ROBO3: variants seen among roughly 807,000 people sequenced by gnomAD.
ROBO3 encodes the protein roundabout homolog 3.
A neutral mutation model predicts 160.5 loss-of-function variants in ROBO3; 97 were observed. The ratio of observed to expected loss-of-function variants is 0.60; its 90% confidence interval spans 0.51 to 0.72. ROBO3 has a LOEUF of 0.72. ROBO3 is among the 30% of genes least tolerant of loss of function. The probability of loss-of-function intolerance (pLI) is 0.00; values close to 1 mark genes in which losing one functional copy is unlikely to be tolerated. For synonymous variants in ROBO3, 780 were observed against 746.2 expected, an observed-to-expected ratio of 1.05 and a Z score of -0.74; for missense variants, 1,858 against 1,846.5, an observed-to-expected ratio of 1.01 and a Z score of -0.11.
chr11:124,874,410 A>G (rs1946322094), intron 12 of ROBO3, among the ~76,000 whole-genome samples, 174 bp downstream of exon 12: 1 of 152,126 alleles, frequency 6.6e-6, no homozygotes. Flanking sequence ...AGAAGAGACA[A>G]GGGAGGAGGA....
At position 124,876,423 on chromosome 11, in the gene ROBO3, G is replaced by T; in HGVS notation, c.2742G>T (p.Trp914Cys). 1 of 1,448,398 alleles carries T rather than the reference G, an allele frequency of 6.9e-7. No individual in the cohort carries two copies. Among genetic ancestry groups the T allele is most frequent in the Non-Finnish European group, 9.0e-7 (1 of 1,106,566 alleles). 89.7% of individuals were successfully genotyped at this position (1,448,398 alleles called of 1,614,324 possible). Residue 914 changes from tryptophan to cysteine, a missense_variant, in exon 17 of 28, where the codon TGG becomes TGT. Trp to Cys is a radical substitution (Grantham distance 215, BLOSUM62 -2). Coordinates refer to ENST00000397801, the MANE Select transcript of ROBO3 (RefSeq NM_022370.4). The surrounding 1 kb of genome is among the most constrained non-coding windows in gnomAD (Gnocchi z 5.3). Reference protein sequence around the residue: ...LLLGLCAALYWRRKQRKELSH... With the variant: ...LLLGLCAALYCRRKQRKELSH... ...TCGGGCTCTGCGCCGCCCTCTACTG[G>T]CGCCGGAAACAGCGCAAAGAGCTCA...
intron 23 of ROBO3, 63 bp from the exon 24 acceptor site, chr11:124,879,127 G>A (rs1946488020): frequency 6.6e-7 from 1 of 1,512,640 alleles, no homozygotes; most frequent in Non-Finnish European, 8.9e-7. Flanking sequence ...CACAGTGCCA[G>A]GCACATAGTA....
In ROBO3 at chr11:124,869,937, T is replaced by G. The variant is rs778092268; in HGVS notation, c.646-11T>G. Reference sequence around the variant, plus strand: ...CTGAAATGGACCAAAGTTACCATTATTGCTCTGCAGATCCGTGGAGGGAAG... The same window carrying G: ...CTGAAATGGACCAAAGTTACCATTAGTGCTCTGCAGATCCGTGGAGGGAAG... On this transcript the variant is annotated splice_polypyrimidine_tract_variant and intron_variant, in intron 3 of 27. Coordinates refer to ENST00000397801, the MANE Select transcript of ROBO3 (RefSeq NM_022370.4). The surrounding 1 kb of genome is among the most constrained non-coding windows in gnomAD (Gnocchi z 4.2). 56 of 1,588,544 alleles carry G rather than the reference T, an allele frequency of 3.5e-5. No homozygotes were observed. Among genetic ancestry groups the G allele is most frequent in the Non-Finnish European group, 4.7e-5 (55 of 1,167,530 alleles).
chr11:124,868,780 C>A, intron 1 of ROBO3, 22 bp from the exon 2 acceptor site: 1 of 1,592,368 alleles, frequency 6.3e-7, no homozygotes, highest in Non-Finnish European at 8.6e-7. Context: ...TCTGAACGCT[C>A]TGCGCCACCC....
In ROBO3 at chr11:124,869,454, C is replaced by T. The variant is rs951866958; in HGVS notation, c.492C>T (p.Leu164=). 2.7e-6 allele frequency: 4 copies of T among 1,490,002 alleles called. No individual in the cohort carries two copies. In the African/African-American group the frequency reaches 4.4e-5, roughly 16 times the overall value. 92.3% of individuals were successfully genotyped at this position (1,490,002 alleles called of 1,614,324 possible). Residue 164 remains leucine, a synonymous_variant, in exon 3 of 28, where the codon CTC becomes CTT. Coordinates refer to ENST00000397801, the MANE Select transcript of ROBO3 (RefSeq NM_022370.4). This position sits in a 1 kb window ranked among gnomAD's most constrained non-coding sequence, Gnocchi z 4.2. ...SRNASLEVAV[L]RDDFRQSPGN... is the part of the protein sequence containing the mutation. ...GCCCCCCACCGCCCCGCCCAGTCCTCCGTGATGATTTCCGGCAGTCTCCTG... is the reference window on the plus strand; with the variant it reads ...GCCCCCCACCGCCCCGCCCAGTCCTTCGTGATGATTTCCGGCAGTCTCCTG...
At chr11:124,870,372 G>A (rs749315447) in intron 5 of ROBO3, 69 bp downstream of exon 5, 22 of 1,546,826 alleles carry the variant, frequency 1.4e-5, no homozygotes, top group South Asian at 6.0e-5. Flanking sequence ...CTAGAAAACC[G>A]GAAGACAGGC....
intron 1 of ROBO3, among the ~76,000 whole-genome samples, chr11:124,867,022 T>C (rs1333534996): frequency 6.6e-6 from 1 of 152,200 alleles, no homozygotes; most frequent in African/African-American, 2.4e-5. Context: ...TAGTGAGGTA[T>C]GCAAGGAAGG....
In ROBO3 at chr11:124,869,877, A is replaced by G. The variant is rs552630211; in HGVS notation, c.646-71A>G. 8.2e-4 allele frequency: 1,250 copies of G among 1,516,144 alleles called. 2 individuals carry two copies. The highest frequency in any genetic ancestry group is 1.0e-3 in the Non-Finnish European group (1,169 of 1,114,920). The allele number at this position is 1,516,144 out of a possible 1,614,324, so 93.9% of individuals were successfully genotyped here. A position where few individuals can be genotyped will look rare whatever the true frequency, so the allele number is the denominator to read the frequency against. On this transcript the variant is annotated intron_variant, in intron 3 of 27. Transcript: ENST00000397801. The surrounding 1 kb of genome is among the most constrained non-coding windows in gnomAD (Gnocchi z 4.2). The stretch of plus-strand genomic sequence containing the variant: ...ATAAACTTTATACATATGTATATAC[A>G]CATATATTCACCATATATATATACG...
Position 124,874,193 on chromosome 11 carries a change from C to A in ROBO3, c.1908C>A (p.Gly636=), listed in dbSNP as rs1434716732. The change falls in exon 12 of 28, where the codon GGC becomes GGA. Residue 636 remains glycine (G), a synonymous_variant. Coordinates refer to ENST00000397801, the MANE Select transcript of ROBO3 (RefSeq NM_022370.4). ...LFLVRAVGAW[G]LSEPSPVSEP... ...TGGTTCGAGCAGTGGGAGCCTGGGG[C>A]CTCAGTGAGCCCAGCCCCGTCTCTG... is the stretch of plus-strand genomic sequence containing the variant. 6.2e-7 allele frequency: 1 copy of A among 1,613,930 alleles called. No homozygotes were observed. The highest frequency in any genetic ancestry group is 8.5e-7 in the Non-Finnish European group (1 of 1,179,868).
intron 23 of ROBO3, 51 bp from the exon 24 acceptor site, chr11:124,879,139 G>C: frequency 6.5e-7 from 1 of 1,531,534 alleles, no homozygotes; most frequent in Non-Finnish European, 8.8e-7. Context: ...CACATAGTAG[G>C]CATTCAGTTT....
intron 15 of ROBO3, 53 bp downstream of exon 15, chr11:124,875,738 G>A: frequency 1.9e-6 from 3 of 1,560,488 alleles, no homozygotes; most frequent in Non-Finnish European, 1.7e-6. Flanking sequence ...GAGGGAGAGG[G>A]AGGACCTAGT....
rs1039457878 is a variant in ROBO3, at chr11:124,876,385, G to C, written c.2704G>C (p.Gly902Arg). 4 of 1,447,728 alleles carry C rather than the reference G, an allele frequency of 2.8e-6. No homozygotes were observed. The highest frequency in any genetic ancestry group is 2.8e-5 in the East Asian group (1 of 35,296). 89.7% of individuals were successfully genotyped at this position (1,447,728 alleles called of 1,614,324 possible). A position where few individuals can be genotyped will look rare whatever the true frequency, so the allele number is the denominator to read the frequency against. Reference sequence around the variant, plus strand: ...CCTCGCGGGCAGCGGCGCAGCCTGCGGGGCGCTGCTTCTCGGGCTCTGCGC... The same window carrying C: ...CCTCGCGGGCAGCGGCGCAGCCTGCCGGGCGCTGCTTCTCGGGCTCTGCGC... ...AFLAGSGAAC[G>R]ALLLGLCAAL... is the part of the protein sequence containing the mutation. The change falls in exon 17 of 28, where the codon GGG becomes CGG. Residue 902 changes from glycine to arginine, a missense_variant. By Grantham distance (125) the Gly-to-Arg change is moderately radical. Transcript: ENST00000397801. The surrounding 1 kb of genome is among the most constrained non-coding windows in gnomAD (Gnocchi z 5.3).
rs777436634 is a variant in ROBO3, at chr11:124,870,046, G to A, written c.744G>A (p.Ala248=). 327 of 1,613,890 alleles carry A rather than the reference G, an allele frequency of 2.0e-4. No individual in the cohort carries two copies. Among genetic ancestry groups the A allele is most frequent in the Non-Finnish European group, 2.5e-4 (299 of 1,179,902 alleles). Residue 248 remains alanine (A), a synonymous_variant, in exon 4 of 28, where the codon GCG becomes GCA. Coordinates refer to ENST00000397801, the MANE Select transcript of ROBO3 (RefSeq NM_022370.4). ...ACATGGCGGGAGAACGGGAGAGTGC[G>A]GCAGCTGAAGTCATGGTACTGGGTA... ...ASNMAGERES[A]AAEVMVLERP... is the part of the protein sequence containing the mutation.
chr11:124,877,425 C>T, intron 19 of ROBO3, 94 bp from the exon 20 acceptor site: 3 of 1,592,604 alleles, frequency 1.9e-6, no homozygotes, highest in Non-Finnish European at 2.6e-6. Context: ...AACACCACCG[C>T]CACTGTCCTG....
At position 124,865,486 on chromosome 11, in the gene ROBO3, G is replaced by A; in HGVS notation, c.-92G>A. On this transcript the variant is annotated 5_prime_UTR_variant, in exon 1 of 28. Coordinates refer to ENST00000397801, the MANE Select transcript of ROBO3 (RefSeq NM_022370.4). This position sits in a 1 kb window ranked among gnomAD's most constrained non-coding sequence, Gnocchi z 5.5. ...ACCGTGGCTGCCGCAGCGCGCAGAG[G>A]CTGTGGAGGGGCTTACGGCTCCCAG... The A allele has an allele frequency of 3.7e-6, 5 of 1,348,376 alleles. No individual in the cohort carries two copies. The highest frequency in any genetic ancestry group is 5.1e-6 in the Non-Finnish European group (5 of 981,410). 83.5% of individuals were successfully genotyped at this position (1,348,376 alleles called of 1,614,324 possible).
rs1330066877 is a variant in ROBO3 at position 124,872,269 on chromosome 11, G to A, written c.1159-112G>A. On this transcript the variant is annotated intron_variant, in intron 7 of 27. Transcript: ENST00000397801. This position sits in a 1 kb window ranked among gnomAD's most constrained non-coding sequence, Gnocchi z 4.3. Reference sequence around the variant, plus strand: ...GTTCACATCACTGCTGGAGACAGACGATGAACTAGAATCATAGGAATTCTC... The same window carrying A: ...GTTCACATCACTGCTGGAGACAGACAATGAACTAGAATCATAGGAATTCTC... 1.4e-5 allele frequency: 14 copies of A among 1,000,700 alleles called. No individual in the cohort carries two copies. Among genetic ancestry groups the A allele is most frequent in the South Asian group, 3.9e-5 (3 of 76,136 alleles). The allele number at this position is 1,000,700 out of a possible 1,614,324, so 62.0% of individuals were successfully genotyped here. A position where few individuals can be genotyped will look rare whatever the true frequency, so the allele number is the denominator to read the frequency against.
At position 124,878,626 on chromosome 11, in the gene ROBO3, T is replaced by G. The variant is rs767393034; in HGVS notation, c.3363T>G (p.Ser1121Arg). 6.2e-7 allele frequency: 1 copy of G among 1,612,932 alleles called. No individual in the cohort carries two copies. Among genetic ancestry groups the G allele is most frequent in the Non-Finnish European group, 8.5e-7 (1 of 1,179,506 alleles). ...EEWCPPMPERSHLTEPSSSGG... is the reference protein window; with the variant it reads ...EEWCPPMPERRHLTEPSSSGG... ...GGTGCCCGCCAATGCCTGAGAGAAG[T>G]CACCTGACGGAGCCCAGCTCCAGTG... Residue 1121 changes from serine (S) to arginine (R), a missense_variant, in exon 23 of 28, where the codon AGT (serine) becomes AGG (arginine). Transcript: ENST00000397801. The surrounding 1 kb of genome is among the most constrained non-coding windows in gnomAD (Gnocchi z 4.3).
In ROBO3 at chr11:124,880,573, A is replaced by G. The variant is rs1487275686; in HGVS notation, c.4114A>G (p.Ser1372Gly). 6.4e-7 allele frequency: 1 copy of G among 1,552,372 alleles called. No homozygotes were observed. The highest frequency in any genetic ancestry group is 2.4e-5 in the East Asian group (1 of 41,094). Residue 1372 changes from serine (S) to glycine (G), a missense_variant, in exon 27 of 28, where the codon AGC becomes GGC. Coordinates refer to ENST00000397801, the MANE Select transcript of ROBO3 (RefSeq NM_022370.4). The part of the protein sequence containing the change: ...GRSRSRSQSR[S>G]QSQRPGQKRR... ...GAGCCGGAGTCGGAGTCAGAGCCGGAGCCAGAGCCAAAGGCCAGGACAGAA... is the reference window on the plus strand; with the variant it reads ...GAGCCGGAGTCGGAGTCAGAGCCGGGGCCAGAGCCAAAGGCCAGGACAGAA...
At chr11:124,879,649 G>A in intron 25 of ROBO3, 74 bp downstream of exon 25, 1 of 1,522,934 alleles carries the variant, frequency 6.6e-7, no homozygotes, top group Non-Finnish European at 9.0e-7. Flanking sequence ...GGTGCACTCT[G>A]GGGGCTGGAG....
Sources: allele counts gnomAD v4.1 joint callset (sites outside exome capture counted in the v4.1 genomes callset), GRCh38; gene constraint gnomAD v4.1.1; non-coding constraint Gnocchi (gnomAD v3.1); transcripts MANE v1.5; gene names NCBI Gene and HGNC (gene_info 2026-07-23, HGNC 2026-07-21).